DDX10: variants seen among roughly 807,000 people sequenced by gnomAD.
DDX10 encodes probable ATP-dependent RNA helicase DDX10.
A neutral mutation model predicts 104.3 loss-of-function variants in DDX10; 74 were observed. That is an observed-to-expected ratio of 0.71 (90% confidence interval 0.59 to 0.86). DDX10 has a LOEUF of 0.86. Among genes scored for constraint, DDX10 ranks in the 40% least tolerant of loss-of-function variants. The pLI, the probability that DDX10 is intolerant of heterozygous loss-of-function variation, is 0.00. For missense variants in DDX10, 952 were observed against 1,040.0 expected, an observed-to-expected ratio of 0.92 and a Z score of 1.16; for synonymous variants, 351 against 353.4, an observed-to-expected ratio of 0.99 and a Z score of 0.08.
intron 9 of DDX10, among the ~76,000 whole-genome samples, chr11:108,695,572 A>G (rs1208407620): frequency 1.3e-5 from 2 of 152,108 alleles, no homozygotes; most frequent in African/African-American, 4.8e-5. Context: ...TAGTTCTTTT[A>G]GATTTCTATA....
intron 11 of DDX10, among the ~76,000 whole-genome samples, chr11:108,716,273 G>A (rs2094291231): frequency 6.6e-6 from 1 of 151,942 alleles, no homozygotes; most frequent in African/African-American, 2.4e-5. Context: ...TAATTTTTTT[G>A]TATTGTAGTA....
chr11:108,923,456 A>G (rs1039949957), intron 17 of DDX10, among the ~76,000 whole-genome samples: 1 of 152,240 alleles, frequency 6.6e-6, no homozygotes, highest in Non-Finnish European at 1.5e-5. Flanking sequence ...CATTATTTAA[A>G]TCATATTTTA....
chr11:108,899,427 G>A (rs1403923116), intron 16 of DDX10, among the ~76,000 whole-genome samples: 1 of 151,678 alleles, frequency 6.6e-6, no homozygotes, highest in Admixed American at 6.6e-5. Flanking sequence ...AGGAAAAGAG[G>A]GAGATATATG....
rs905796925 is a variant in DDX10 at position 108,692,011 on chromosome 11, G to A, written c.1111G>A (p.Ala371Thr). ...CCGTAAGAGAGCTGCAGTACTCTTT[G>A]CTACTGATATTGCAGCCAGGGGTCT... Reference protein sequence around the residue: ...FVRKRAAVLFATDIAARGLDF... With the variant: ...FVRKRAAVLFTTDIAARGLDF... The change falls in exon 8 of 18, where the codon GCT (alanine) becomes ACT (threonine). Residue 371 changes from alanine (A) to threonine (T), a missense_variant. Transcript: ENST00000322536. 6.2e-7 allele frequency: 1 copy of A among 1,611,902 alleles called. No homozygotes were observed. The highest frequency in any genetic ancestry group is 8.5e-7 in the Non-Finnish European group (1 of 1,179,134).
chr11:108,741,298 G>T (rs2094324943), intron 13 of DDX10, among the ~76,000 whole-genome samples: 1 of 151,844 alleles, frequency 6.6e-6, no homozygotes, highest in Admixed American at 6.6e-5. Context: ...CTATTTTTTT[G>T]GTTCCATATG....
intron 10 of DDX10, among the ~76,000 whole-genome samples, chr11:108,708,923 A>G (rs778347409): frequency 6.6e-6 from 1 of 152,198 alleles, no homozygotes; most frequent in Non-Finnish European, 1.5e-5. Flanking sequence ...GAAAGTGATT[A>G]GCTTTTGTAT....
At chr11:108,936,177 G>A (rs1411332506) in intron 17 of DDX10, among the ~76,000 whole-genome samples, 1 of 152,138 alleles carries the variant, frequency 6.6e-6, no homozygotes, top group East Asian at 1.9e-4. Flanking sequence ...AGATTATGTA[G>A]CATACCTACT....
intron 16 of DDX10, among the ~76,000 whole-genome samples, chr11:108,856,377 G>T (rs1184653916): frequency 1.3e-5 from 2 of 152,044 alleles, no homozygotes; most frequent in East Asian, 3.9e-4. Context: ...GCTGCAGTGA[G>T]CCGAGATTAC....
At chr11:108,895,003 A>G (rs940702685) in intron 16 of DDX10, among the ~76,000 whole-genome samples, 3 of 151,982 alleles carry the variant, frequency 2.0e-5, no homozygotes, top group African/African-American at 4.8e-5. Flanking sequence ...ATTTTAGATC[A>G]TAACTACTTT....
At chr11:108,884,662 A>G (rs569372094) in intron 16 of DDX10, among the ~76,000 whole-genome samples, 2 of 152,178 alleles carry the variant, frequency 1.3e-5, no homozygotes, top group African/African-American at 4.8e-5. Flanking sequence ...CTAACTCTCT[A>G]TCCCCACCCA....
intron 13 of DDX10, among the ~76,000 whole-genome samples, chr11:108,807,963 T>C (rs1862122984): frequency 6.6e-6 from 1 of 152,136 alleles, no homozygotes; most frequent in Non-Finnish European, 1.5e-5. Flanking sequence ...ACCCCATGGA[T>C]GAAGCATTGA....
intron 13 of DDX10, among the ~76,000 whole-genome samples, chr11:108,771,521 A>G (rs2094363103): frequency 1.3e-5 from 2 of 151,732 alleles, no homozygotes; most frequent in Non-Finnish European, 1.5e-5. Flanking sequence ...ATTTTTTTGT[A>G]TCTTTAATAG....
chr11:108,701,319 A>T (rs180966721), intron 9 of DDX10, among the ~76,000 whole-genome samples: 39 of 152,232 alleles, frequency 2.6e-4, no homozygotes, highest in African/African-American at 9.4e-4. Context: ...AGTGACATGA[A>T]ATCTTGGGGA....
At chr11:108,673,333 T>C (rs956400212) in intron 1 of DDX10, 134 bp from the exon 2 acceptor site, 1 of 647,208 alleles carries the variant, frequency 1.5e-6, no homozygotes, top group African/African-American at 1.9e-5. Flanking sequence ...GAAGGAATGA[T>C]GGCTTTTAAT....
intron 10 of DDX10, among the ~76,000 whole-genome samples, chr11:108,711,627 C>G (rs1000595257): frequency 6.6e-6 from 1 of 152,214 alleles, no homozygotes; most frequent in East Asian, 1.9e-4. Context: ...GCCATTGTGC[C>G]TGGCCTCTGT....
intron 16 of DDX10, among the ~76,000 whole-genome samples, chr11:108,896,113 G>GT (rs1863437285): frequency 6.6e-6 from 1 of 152,090 alleles, no homozygotes; most frequent in East Asian, 1.9e-4. Context: ...TGCCGTGACT[G>GT]TATTATCCAT....
intron 16 of DDX10, among the ~76,000 whole-genome samples, chr11:108,868,816 C>G (rs540341248): frequency 1.3e-5 from 2 of 152,040 alleles, no homozygotes; most frequent in South Asian, 4.1e-4. Flanking sequence ...AGCTCCCTAG[C>G]AGTTTGTGAA....
At chr11:108,917,329 T>A (rs867144509) in intron 16 of DDX10, among the ~76,000 whole-genome samples, 1 of 152,066 alleles carries the variant, frequency 6.6e-6, no homozygotes, top group Non-Finnish European at 1.5e-5. Flanking sequence ...TTTCACCTAG[T>A]ATTTTTGGTA....
intron 13 of DDX10, among the ~76,000 whole-genome samples, chr11:108,741,754 G>C (rs558388102): frequency 6.6e-6 from 1 of 152,268 alleles, no homozygotes; most frequent in African/African-American, 2.4e-5. Flanking sequence ...AACAGGGATA[G>C]TTTGACTTCC....
Sources: gnomAD v4.1 joint callset for allele counts (sites outside exome capture counted in the v4.1 genomes callset) on GRCh38, gnomAD v4.1.1 for gene constraint, MANE v1.5 for transcripts, NCBI Gene and HGNC (gene_info 2026-07-23, HGNC 2026-07-21) for gene names.